Variants in KMT2C observed in about 807,000 individuals in gnomAD.
KMT2C encodes histone-lysine N-methyltransferase 2C.
In KMT2C, 88 loss-of-function variants were observed where a neutral mutation model predicts 507.9. The observed-to-expected ratio is 0.17, with a 90% confidence interval of 0.15 to 0.21. The LOEUF (loss-of-function observed/expected upper bound fraction) is 0.21, where lower values mean the gene tolerates loss of function less well. Ranked by LOEUF, KMT2C falls within the 10% of genes least tolerant of loss-of-function variation. The pLI is 1.00. For synonymous variants in KMT2C, 2,049 were observed against 2,080.8 expected, an observed-to-expected ratio of 0.98 and a Z score of 0.42; for missense variants, 4,954 against 5,957.8, an observed-to-expected ratio of 0.83 and a Z score of 5.55.
intron 51 of KMT2C, among the ~76,000 whole-genome samples, chr7:152,150,556 A>G (rs1179314560): frequency 6.6e-6 from 1 of 152,168 alleles, no homozygotes; most frequent in African/African-American, 2.4e-5. Context: ...CAGAGTCTGC[A>G]GTGAGCCAAG....
At chr7:152,418,448 T>G (rs946770219) in intron 1 of KMT2C, among the ~76,000 whole-genome samples, 1 of 151,976 alleles carries the variant, frequency 6.6e-6, no homozygotes. Context: ...GTTGTTGTTT[T>G]GAGACAGAGT....
intron 34 of KMT2C, 37 bp from the exon 35 acceptor site, chr7:152,183,193 T>C (rs1230479407): frequency 2.1e-6 from 3 of 1,456,802 alleles, no homozygotes; most frequent in Middle Eastern, 3.6e-4. Flanking sequence ...TCCCAGATTA[T>C]GTTAAATGTT....
rs2090198827 is a variant in KMT2C, at chr7:152,138,986, T to C, written c.14535-82A>G. 8.8e-7 allele frequency: 1 copy of C among 1,134,730 alleles called. No homozygotes were observed. Among genetic ancestry groups the C allele is most frequent in the Admixed American group, 1.8e-5 (1 of 54,746 alleles). The allele number at this position is 1,134,730 out of a possible 1,614,324, so 70.3% of individuals were successfully genotyped here. On this transcript the variant is annotated intron_variant, in intron 57 of 58. Coordinates refer to ENST00000262189, the MANE Select transcript of KMT2C (RefSeq NM_170606.3). The surrounding 1 kb of genome is among the most constrained non-coding windows in gnomAD (Gnocchi z 4.2). ...AACTTCCCATTTATTGATAAAGCAG[T>C]TTTTGCTAATTAAATTTCTATTTGC...
chr7:152,294,478 T>C (rs760051594), intron 6 of KMT2C, among the ~76,000 whole-genome samples: 5 of 152,076 alleles, frequency 3.3e-5, no homozygotes, highest in Non-Finnish European at 7.4e-5. Context: ...AAAATAATAA[T>C]TATGACCAGG....
intron 31 of KMT2C, among the ~76,000 whole-genome samples, chr7:152,191,752 A>C (rs1434065528): frequency 6.6e-6 from 1 of 152,150 alleles, no homozygotes; most frequent in African/African-American, 2.4e-5. Flanking sequence ...TTGCTTCCTT[A>C]AACAATGCCC....
chr7:152,234,373 ACT>A (rs111342006), intron 16 of KMT2C, among the ~76,000 whole-genome samples: 19 of 152,086 alleles, frequency 1.2e-4, no homozygotes, highest in African/African-American at 4.6e-4. Flanking sequence ...CAAGAGCGAA[ACT>A]CTATCTCAAA....
intron 26 of KMT2C, among the ~76,000 whole-genome samples, chr7:152,201,696 T>C (rs7796378): frequency 2.8e-5 from 4 of 142,444 alleles, no homozygotes; most frequent in African/African-American, 7.9e-5. Context: ...AATGATCGTT[T>C]AAAAAAAAAC....
Position 152,148,891 on chromosome 7 carries a change from T to G in KMT2C, c.13036A>C (p.Arg4346=). 6.2e-7 allele frequency: 1 copy of G among 1,614,218 alleles called. No homozygotes were observed. The highest frequency in any genetic ancestry group is 1.1e-5 in the South Asian group (1 of 91,076). ...RAVHGGFEDC[R]PLNKKWRGMK... ...CCTCTCCATTTTTTATTGAGCGGCC[T>G]GCAATCTTCAAACCCACCATGGACA... The change falls in exon 52 of 59, where the codon AGG becomes CGG. Residue 4346 remains arginine, a synonymous_variant. Transcript: ENST00000262189. This position sits in a 1 kb window ranked among gnomAD's most constrained non-coding sequence, Gnocchi z 7.1.
intron 2 of KMT2C, among the ~76,000 whole-genome samples, chr7:152,345,127 A>C (rs972162169): frequency 4.6e-5 from 7 of 150,624 alleles, no homozygotes; most frequent in Non-Finnish European, 1.0e-4. Flanking sequence ...TTATATCAAC[A>C]ATCACTCTAA....
chr7:152,326,696 T>C (rs189348296), intron 3 of KMT2C, among the ~76,000 whole-genome samples: 324 of 152,102 alleles, frequency 2.1e-3, no homozygotes, highest in Non-Finnish European at 3.1e-3. Flanking sequence ...CTGGCTAACA[T>C]GGTGAAACCC....
intron 51 of KMT2C, 96 bp from the exon 52 acceptor site, chr7:152,149,248 A>C: frequency 8.3e-7 from 1 of 1,207,690 alleles, no homozygotes; most frequent in Non-Finnish European, 1.1e-6. Flanking sequence ...ATGACTGAAG[A>C]GGATGGGTGA....
chr7:152,416,746 G>A (rs1387734529), intron 1 of KMT2C, among the ~76,000 whole-genome samples: 2 of 147,334 alleles, frequency 1.4e-5, no homozygotes, highest in East Asian at 2.0e-4. Context: ...AAAATTCAAT[G>A]TAATTTAAAA....
In KMT2C at chr7:152,148,348, C is replaced by T. The variant is rs909015222; in HGVS notation, c.13579G>A (p.Val4527Ile). ...ATCTGTCGCACCTCATCACGCTGAA[C>T]ATAGACCCTCCTGAAGACTGCAAAG... ...SYFAVFRRVYVQRDEVRQIAS... is the reference protein window; with the variant it reads ...SYFAVFRRVYIQRDEVRQIAS... Residue 4527 changes from valine (V) to isoleucine (I), a missense_variant, in exon 52 of 59, where the codon GTT (valine) becomes ATT (isoleucine). Transcript: ENST00000262189. The surrounding 1 kb of genome is among the most constrained non-coding windows in gnomAD (Gnocchi z 7.1). 6.2e-7 allele frequency: 1 copy of T among 1,614,274 alleles called. No individual in the cohort carries two copies. Among genetic ancestry groups the T allele is most frequent in the Non-Finnish European group, 8.5e-7 (1 of 1,180,050 alleles).
intron 2 of KMT2C, among the ~76,000 whole-genome samples, chr7:152,352,612 A>G (rs1457424084): frequency 6.6e-6 from 1 of 152,208 alleles, no homozygotes; most frequent in Non-Finnish European, 1.5e-5. Context: ...AACCAGCCGA[A>G]GCTTAGGGAA....
chr7:152,150,448 C>T (rs920677899), intron 51 of KMT2C, among the ~76,000 whole-genome samples: 11 of 152,070 alleles, frequency 7.2e-5, no homozygotes, highest in Admixed American at 6.6e-5. Flanking sequence ...GAAACCCCAT[C>T]TCTACTAAAC....
intron 1 of KMT2C, chr7:152,367,739 T>C (rs2097259093): frequency 8.0e-6 from 9 of 1,131,116 alleles, no homozygotes; most frequent in Non-Finnish European, 9.4e-6. Context: ...GGCAGCCTCT[T>C]ATCGATTACA....
In KMT2C at chr7:152,156,262, C is replaced by G. The variant is rs1377939017; in HGVS notation, c.11755G>C (p.Gly3919Arg). The change falls in exon 45 of 59, where the codon GGT becomes CGT. Residue 3919 changes from glycine (G) to arginine (R), a missense_variant. Around this residue, in one of 29 missense-constraint regions of KMT2C, gnomAD observed 104 missense variants for 134.3 expected, o/e 0.77. Transcript: ENST00000262189. ...GCAAGTTCTTCAGTTGTTGCAAAAC[C>G]ATTGGCCATCTTCTGACAAGCCATA... Reference protein sequence around the residue: ...PPMACQKMANGFATTEELAGK... With the variant: ...PPMACQKMANRFATTEELAGK... 3 of 1,614,098 alleles carry G rather than the reference C, an allele frequency of 1.9e-6. No individual in the cohort carries two copies. Among genetic ancestry groups the G allele is most frequent in the Non-Finnish European group, 1.7e-6 (2 of 1,180,014 alleles).
chr7:152,162,739 T>C lies in KMT2C; in HGVS notation c.10838A>G (p.Asp3613Gly), dbSNP rs2092522749. 1 of 1,614,084 alleles carries C rather than the reference T, an allele frequency of 6.2e-7. No individual in the cohort carries two copies. The highest frequency in any genetic ancestry group is 8.5e-7 in the Non-Finnish European group (1 of 1,180,046). The change falls in exon 43 of 59, where the codon GAT becomes GGT. Residue 3613 changes from aspartate to glycine, a missense_variant. Asp to Gly is a moderately conservative substitution (Grantham distance 94, BLOSUM62 -1). Coordinates refer to ENST00000262189, the MANE Select transcript of KMT2C (RefSeq NM_170606.3). ...KKKRTRKKKR[D>G]DDAESTKAPS... ...AGCCTTGGTGGATTCTGCATCATCATCTCTTTTCTTCTTTCTTGTTCTTTT... is the reference window on the plus strand; with the variant it reads ...AGCCTTGGTGGATTCTGCATCATCACCTCTTTTCTTCTTTCTTGTTCTTTT...
At chr7:152,175,460 C>T (rs749984938) in intron 38 of KMT2C, among the ~76,000 whole-genome samples, 2 of 148,560 alleles carry the variant, frequency 1.3e-5, no homozygotes, top group Non-Finnish European at 2.9e-5. Flanking sequence ...TAATGCTATC[C>T]GTCCCCTAGC....
Sources: gnomAD v4.1 joint callset for allele counts (sites outside exome capture counted in the v4.1 genomes callset) on GRCh38, gnomAD v4.1.1 for gene constraint, gnomAD v4.1.1 regional missense constraint, Gnocchi (gnomAD v3.1) non-coding constraint, MANE v1.5 for transcripts, NCBI Gene and HGNC (gene_info 2026-07-23, HGNC 2026-07-21) for gene names.